The following PCDH9 variants were observed in gnomAD, a reference collection of about 807,000 sequenced individuals.
PCDH9 encodes the protein protocadherin 9.
A neutral mutation model predicts 70.6 loss-of-function variants in PCDH9; 24 were observed. The ratio of observed to expected loss-of-function variants is 0.34; its 90% confidence interval spans 0.25 to 0.48. PCDH9 has a LOEUF of 0.48. PCDH9 is among the 20% of genes least tolerant of loss of function. The pLI is 0.99. For missense variants in PCDH9, 1,281 were observed against 1,503.6 expected, an observed-to-expected ratio of 0.85 and a Z score of 2.45; for synonymous variants, 562 against 558.5, an observed-to-expected ratio of 1.01 and a Z score of -0.09.
In PCDH9 at chr13:67,003,464, A is replaced by C. The variant is rs886875008; in HGVS notation, c.3037-99859T>G. ...TATCACATTGTTTTAAGGAATTATA[A>C]TGGTACAAGTTTACTTTCGCATTTC... On this transcript the variant is annotated intron_variant, in intron 2 of 4. Coordinates refer to ENST00000377865, the MANE Select transcript of PCDH9 (RefSeq NM_203487.3). Among the ~76,000 whole-genome samples, 4 of 152,286 alleles carry C rather than the reference A, an allele frequency of 2.6e-5. No homozygotes were observed. In the South Asian group the frequency reaches 8.3e-4, roughly 32 times the overall value.
chr13:66,395,513 T>G (rs1352338629), intron 4 of PCDH9, among the ~76,000 whole-genome samples: 1 of 151,906 alleles, frequency 6.6e-6, no homozygotes, highest in Non-Finnish European at 1.5e-5. Flanking sequence ...GACAGGAGAA[T>G]CGCTTGAACA....
At position 66,970,562 on chromosome 13, in the gene PCDH9, C is replaced by G. The variant is rs2083502930; in HGVS notation, c.3037-66957G>C. Among the ~76,000 whole-genome samples the G allele has an allele frequency of 2.0e-5, 3 of 150,498 alleles. No homozygotes were observed. The South Asian group carries it at 6.3e-4, about 32-fold the overall frequency. On this transcript the variant is annotated intron_variant, in intron 2 of 4. Transcript: ENST00000377865. ...GGCTGAGACAAAAGGATTGCTTCAG[C>G]CCAGGATTCAAGCTTACAGGGGTTC...
At position 66,580,364 on chromosome 13, in the gene PCDH9, C is replaced by T. The variant is rs1038886213; in HGVS notation, c.3340+50846G>A. ...AGTGTTATATTCAGTTTTCTATCCT[C>T]GATACCTATCATTCTGTCTGGCACC... On this transcript the variant is annotated intron_variant, in intron 4 of 4. Coordinates refer to ENST00000377865, the MANE Select transcript of PCDH9 (RefSeq NM_203487.3). Among the ~76,000 whole-genome samples the T allele has an allele frequency of 1.4e-4, 22 of 151,934 alleles. 1 individual carries two copies. The East Asian group carries it at 3.3e-3, about 23-fold the overall frequency.
At chr13:66,698,498 A>G (rs2139100098) in intron 3 of PCDH9, among the ~76,000 whole-genome samples, 1 of 152,330 alleles carries the variant, frequency 6.6e-6, no homozygotes, top group Admixed American at 6.5e-5. Flanking sequence ...ATAAAGGAAA[A>G]CATTGTCTCC....
intron 2 of PCDH9, among the ~76,000 whole-genome samples, chr13:67,082,236 A>G (rs1226337340): frequency 6.6e-6 from 1 of 152,080 alleles, no homozygotes; most frequent in African/African-American, 2.4e-5. Context: ...CCTTTGACCA[A>G]CACCTCCCTA....
At chr13:66,769,540 T>C (rs2079771707) in intron 3 of PCDH9, among the ~76,000 whole-genome samples, 1 of 151,974 alleles carries the variant, frequency 6.6e-6, no homozygotes, top group African/African-American at 2.4e-5. Context: ...TTCATAACAG[T>C]GTGGTTACAA....
intron 3 of PCDH9, among the ~76,000 whole-genome samples, chr13:66,808,799 G>A (rs543780538): frequency 5.3e-5 from 8 of 152,246 alleles, no homozygotes; most frequent in Middle Eastern, 3.4e-3. Context: ...TCAGAACCCA[G>A]AAGCTTATGA....
At chr13:67,153,474 C>A (rs2087714425) in intron 2 of PCDH9, among the ~76,000 whole-genome samples, 1 of 152,150 alleles carries the variant, frequency 6.6e-6, no homozygotes, top group African/African-American at 2.4e-5. Context: ...CAGCCCACAA[C>A]ATTTTAAAAA....
At chr13:66,876,903 G>T (rs902450229) in intron 3 of PCDH9, 3 of 151,848 alleles carry the variant, frequency 2.0e-5, no homozygotes, top group African/African-American at 7.3e-5. Context: ...CTTGATATTG[G>T]ATCCCTCTCA....
At chr13:66,315,811 C>T (rs17081111) in intron 4 of PCDH9, among the ~76,000 whole-genome samples, 4,539 of 152,290 alleles carry the variant, frequency 0.03, 139 homozygotes, top group Admixed American at 0.084. Flanking sequence ...GGACTTGCTT[C>T]TTCCCCATTT....
intron 2 of PCDH9, among the ~76,000 whole-genome samples, chr13:67,059,698 C>T (rs899578351): frequency 6.6e-6 from 1 of 151,394 alleles, no homozygotes; most frequent in African/African-American, 2.4e-5. Context: ...CAGAGTAAAC[C>T]GTCTTGAATG....
At chr13:66,515,641 C>G (rs1959696046) in intron 4 of PCDH9, among the ~76,000 whole-genome samples, 2 of 151,688 alleles carry the variant, frequency 1.3e-5, no homozygotes, top group South Asian at 4.1e-4. Context: ...GTAGTATGCA[C>G]ATAGATATTT....
At chr13:66,485,300 A>G (rs1958918828) in intron 4 of PCDH9, among the ~76,000 whole-genome samples, 1 of 152,208 alleles carries the variant, frequency 6.6e-6, no homozygotes, top group African/African-American at 2.4e-5. Context: ...ACTAATTGCT[A>G]TAAAATTTAC....
intron 4 of PCDH9, among the ~76,000 whole-genome samples, chr13:66,423,658 G>C (rs139167262): frequency 6.6e-6 from 1 of 152,192 alleles, no homozygotes; most frequent in Admixed American, 6.5e-5. Context: ...CAATAAACTA[G>C]GTATTGAGGG....
At chr13:66,588,754 T>C (rs2076998178) in intron 4 of PCDH9, among the ~76,000 whole-genome samples, 1 of 151,738 alleles carries the variant, frequency 6.6e-6, no homozygotes, top group Admixed American at 6.6e-5. Context: ...TGAAATGCAA[T>C]ATAGCTGACA....
At chr13:66,883,786 T>C (rs1272605772) in intron 3 of PCDH9, among the ~76,000 whole-genome samples, 3 of 152,174 alleles carry the variant, frequency 2.0e-5, no homozygotes, top group Non-Finnish European at 4.4e-5. Flanking sequence ...CACCTTCTCA[T>C]TGGACATTGT....
intron 4 of PCDH9, among the ~76,000 whole-genome samples, chr13:66,398,066 A>G (rs1957133236): frequency 6.6e-6 from 1 of 152,116 alleles, no homozygotes; most frequent in South Asian, 2.1e-4. Context: ...TCATAGAACA[A>G]TAAAATTCCA....
chr13:66,396,350 C>T (rs578121787), intron 4 of PCDH9, among the ~76,000 whole-genome samples: 9 of 152,280 alleles, frequency 5.9e-5, no homozygotes, highest in African/African-American at 1.7e-4. Flanking sequence ...TAATCTAACC[C>T]TTGCCAAGGG....
chr13:66,483,168 G>A (rs761152320), intron 4 of PCDH9, among the ~76,000 whole-genome samples: 1 of 152,148 alleles, frequency 6.6e-6, no homozygotes, highest in Non-Finnish European at 1.5e-5. Flanking sequence ...AGAGATGTGT[G>A]GTTATATCTG....
Sources: gnomAD v4.1 joint callset for allele counts (sites outside exome capture counted in the v4.1 genomes callset) on GRCh38, gnomAD v4.1.1 for gene constraint, MANE v1.5 for transcripts, NCBI Gene and HGNC (gene_info 2026-07-23, HGNC 2026-07-21) for gene names.